VWDE: variants seen among roughly 807,000 people sequenced by gnomAD.
VWDE encodes the protein von Willebrand factor D and EGF domains.
Under a neutral mutation model 178.4 loss-of-function variants are expected in VWDE, and 207 were observed. The observed-to-expected ratio is 1.16, with a 90% CI of 1.04 to 1.30. VWDE has a LOEUF of 1.30. Among genes scored for constraint, VWDE ranks in the 50% most tolerant of loss-of-function variants. The pLI is 0.00. For missense variants in VWDE, 2,287 were observed against 1,901.3 expected (o/e 1.20, Z -3.77); for synonymous variants, 738 against 651.4 (o/e 1.13, Z -2.02).
chr7:12,358,675 GATTTA>G (rs1300157421), intron 16 of VWDE, among the ~76,000 whole-genome samples: 1 of 152,124 alleles, frequency 6.6e-6, no homozygotes, highest in Non-Finnish European at 1.5e-5. Context: ...CAATATGAGA[GATTTA>G]AAAGACATGA....
At chr7:12,384,457 A>G (rs1784001458) in intron 3 of VWDE, among the ~76,000 whole-genome samples, 1 of 152,094 alleles carries the variant, frequency 6.6e-6, no homozygotes, top group Non-Finnish European at 1.5e-5. Flanking sequence ...AAACCCATAG[A>G]ATTTACAACA....
Position 12,331,087 on chromosome 7 carries a change from G to T in VWDE, c.*96C>A. The T allele has an allele frequency of 5.6e-6, 5 of 895,126 alleles. No individual in the cohort carries two copies. The highest frequency in any genetic ancestry group is 2.7e-5 in the Admixed American group (1 of 36,516). 55.4% of individuals were successfully genotyped at this position (895,126 alleles called of 1,614,324 possible). On this transcript the variant is annotated 3_prime_UTR_variant, in exon 29 of 29. Coordinates refer to ENST00000275358, the MANE Select transcript of VWDE (RefSeq NM_001135924.3). ...TCAGTCTTTAAGATATTTTTTGAAT[G>T]ATGTTCAAATAAACTCCAAGTTATC...
intron 1 of VWDE, among the ~76,000 whole-genome samples, chr7:12,399,649 A>C (rs1784808514): frequency 6.6e-6 from 1 of 152,146 alleles, no homozygotes; most frequent in Non-Finnish European, 1.5e-5. Flanking sequence ...TATTCGCCAA[A>C]ATAGACAATC....
At position 12,380,581 on chromosome 7, in the gene VWDE, A is replaced by G. The variant is rs1162255912; in HGVS notation, c.694T>C (p.Ser232Pro). The stretch of plus-strand genomic sequence containing the variant: ...GTCAGCTCCTCTTTGACTTCTTGAG[A>G]AGAAAGCCTAGACCAAGCTATGTGA... The part of the protein sequence containing the change: ...GFHIAWSRLS[S>P]QEVKEELTQE... Residue 232 changes from serine to proline, a missense_variant, in exon 5 of 29, where the codon TCT (serine) becomes CCT (proline). Transcript: ENST00000275358. 2.6e-6 allele frequency: 4 copies of G among 1,552,240 alleles called. No homozygotes were observed. In the South Asian group the frequency reaches 3.6e-5, roughly 14 times the overall value.
At chr7:12,384,000 C>G (rs868182126) in intron 3 of VWDE, among the ~76,000 whole-genome samples, 1 of 152,108 alleles carries the variant, frequency 6.6e-6, no homozygotes, top group African/African-American at 2.4e-5. Flanking sequence ...TCATGCTCCT[C>G]TATGTTTACC....
At position 12,377,856 on chromosome 7, in the gene VWDE, G is replaced by A; in HGVS notation, c.944C>T (p.Thr315Ile). 1 of 1,527,844 alleles carries A rather than the reference G, an allele frequency of 6.5e-7. No individual in the cohort carries two copies. The highest frequency in any genetic ancestry group is 1.4e-5 in the African/African-American group (1 of 72,302). 94.6% of individuals were successfully genotyped at this position (1,527,844 alleles called of 1,614,324 possible). The change falls in exon 7 of 29, where the codon ACA becomes ATA. Residue 315 changes from threonine (T) to isoleucine (I), a missense_variant. Physicochemically the swap from Thr to Ile is moderately conservative, Grantham distance 89 (BLOSUM62 -1). Transcript: ENST00000275358. Reference sequence around the variant, plus strand: ...AAATTCAGAACAAATAATAGGAACTGTGCTTTCTATCCTCAGGTAGTATTC... The same window carrying A: ...AAATTCAGAACAAATAATAGGAACTATGCTTTCTATCCTCAGGTAGTATTC... ...GKEYYLRIES[T>I]VPIICSEFSE...
At position 12,331,097 on chromosome 7, in the gene VWDE, T is replaced by C; in HGVS notation, c.*86A>G. 9.1e-7 allele frequency: 1 copy of C among 1,097,992 alleles called. No homozygotes were observed. The highest frequency in any genetic ancestry group is 1.3e-6 in the Non-Finnish European group (1 of 763,758). The allele number at this position is 1,097,992 out of a possible 1,614,324, so 68.0% of individuals were successfully genotyped here. ...AGATATTTTTTGAATGATGTTCAAA[T>C]AAACTCCAAGTTATCTCCAACTTTT... On this transcript the variant is annotated 3_prime_UTR_variant, in exon 29 of 29. Transcript: ENST00000275358.
chr7:12,399,303 C>T (rs1026508605), intron 1 of VWDE, among the ~76,000 whole-genome samples: 10 of 152,008 alleles, frequency 6.6e-5, no homozygotes, highest in African/African-American at 2.4e-4. Context: ...CAAAGAAGAA[C>T]TTGAAACATA....
chr7:12,351,041 A>G (rs745828428), intron 19 of VWDE, among the ~76,000 whole-genome samples: 2 of 152,148 alleles, frequency 1.3e-5, no homozygotes, highest in Admixed American at 6.6e-5. Flanking sequence ...CACATTTCCT[A>G]TGTTCCAGGA....
At chr7:12,359,717 A>T in intron 15 of VWDE, 25 bp from the exon 16 acceptor site, 1 of 1,440,830 alleles carries the variant, frequency 6.9e-7, no homozygotes, top group South Asian at 1.3e-5. Context: ...TTAAAAAAGA[A>T]AACATCAAAG....
intron 24 of VWDE, 45 bp from the exon 25 acceptor site, chr7:12,337,317 TTAC>T (rs764521490): frequency 2.1e-6 from 3 of 1,430,796 alleles, no homozygotes; most frequent in Non-Finnish European, 2.9e-6. Flanking sequence ...ACACATCCCA[TTAC>T]TACATATGAT....
At chr7:12,385,133 G>C (rs917873811) in intron 3 of VWDE, among the ~76,000 whole-genome samples, 11 of 151,630 alleles carry the variant, frequency 7.3e-5, no homozygotes, top group Admixed American at 3.3e-4. Flanking sequence ...TTGACTTCTA[G>C]AAGGCTCTAG....
intron 9 of VWDE, among the ~76,000 whole-genome samples, chr7:12,373,801 T>C (rs1440026): frequency 0.011 from 1,627 of 152,028 alleles, 37 homozygotes; most frequent in African/African-American, 0.038. Context: ...ATTAATCTTG[T>C]TGAATTGTCA....
chr7:12,368,700 T>C (rs910424303), intron 12 of VWDE, among the ~76,000 whole-genome samples: 14 of 152,146 alleles, frequency 9.2e-5, no homozygotes, highest in African/African-American at 3.1e-4. Context: ...CAATATGATC[T>C]CACTCACATT....
rs989977672 is a variant in VWDE at position 12,403,785 on chromosome 7, A to C, written c.-69T>G. The C allele has an allele frequency of 1.3e-6, 2 of 1,489,464 alleles. No homozygotes were observed. Among genetic ancestry groups the C allele is most frequent in the African/African-American group, 2.8e-5 (2 of 71,862 alleles). The allele number at this position is 1,489,464 out of a possible 1,614,324, so 92.3% of individuals were successfully genotyped here. On this transcript the variant is annotated 5_prime_UTR_variant, in exon 1 of 29. Coordinates refer to ENST00000275358, the MANE Select transcript of VWDE (RefSeq NM_001135924.3). ...CCGCGGGTGCCAGGAGGATGGGGCC[A>C]CAGCAGCCCCTCGGGCCTCCTTTCT...
At chr7:12,395,836 T>A (rs989642792) in intron 1 of VWDE, among the ~76,000 whole-genome samples, 7 of 152,136 alleles carry the variant, frequency 4.6e-5, no homozygotes, top group African/African-American at 1.7e-4. Flanking sequence ...ATTATATTGA[T>A]GGCTTGGGCT....
intron 7 of VWDE, 72 bp downstream of exon 7, chr7:12,377,703 AC>A (rs1386573610): frequency 2.3e-5 from 23 of 1,007,866 alleles, no homozygotes; most frequent in Non-Finnish European, 3.1e-5. Flanking sequence ...CACTCCAGTG[AC>A]TTTTCCTACA....
chr7:12,373,482 T>A lies in VWDE; in HGVS notation c.1317-235A>T, dbSNP rs532828987. ...GGCTCAATGGTCTTCTCCCCGTATG[T>A]GTATGCACGTGACCATCTCCCTCAT... On this transcript the variant is annotated intron_variant, in intron 9 of 28. Transcript: ENST00000275358. Among the ~76,000 whole-genome samples the A allele has an allele frequency of 2.0e-5, 3 of 152,212 alleles. No homozygotes were observed. The South Asian group carries it at 6.2e-4, about 32-fold the overall frequency.
chr7:12,363,601 C>G (rs1782696896), intron 13 of VWDE, among the ~76,000 whole-genome samples: 1 of 151,940 alleles, frequency 6.6e-6, no homozygotes. Context: ...AAAAGAGTTT[C>G]TATCCATTTT....
Sources: allele counts gnomAD v4.1 joint callset (sites outside exome capture counted in the v4.1 genomes callset), GRCh38; gene constraint gnomAD v4.1.1; transcripts MANE v1.5; gene names NCBI Gene and HGNC (gene_info 2026-07-23, HGNC 2026-07-21).